UBAP2: variants seen among roughly 807,000 people sequenced by gnomAD.
UBAP2 encodes the protein ubiquitin-associated protein 2.
A neutral mutation model predicts 139.6 loss-of-function variants in UBAP2; 75 were observed. That is an observed-to-expected ratio of 0.54 (90% CI 0.45 to 0.65). UBAP2 has a LOEUF of 0.65. UBAP2 is among the 30% of genes least tolerant of loss of function. UBAP2 has a pLI of 0.00. For missense variants in UBAP2, 1,368 were observed against 1,369.6 expected (o/e 1.00, Z 0.02); for synonymous variants, 526 against 526.2 (o/e 1.00, Z 0.01).
chr9:33,956,780 T>A (rs1007517835), intron 10 of UBAP2, among the ~76,000 whole-genome samples: 1 of 152,064 alleles, frequency 6.6e-6, no homozygotes, highest in Admixed American at 6.6e-5. Flanking sequence ...AAAATGAGAA[T>A]ACCAATAAAC....
At chr9:33,933,272 C>T (rs1185661580) in intron 18 of UBAP2, among the ~76,000 whole-genome samples, 1 of 152,164 alleles carries the variant, frequency 6.6e-6, no homozygotes, top group African/African-American at 2.4e-5. Flanking sequence ...GGACCCAGTG[C>T]TCTGTGCCAG....
intron 2 of UBAP2, among the ~76,000 whole-genome samples, chr9:34,015,725 G>A (rs910686849): frequency 6.6e-6 from 1 of 152,086 alleles, no homozygotes; most frequent in African/African-American, 2.4e-5. Flanking sequence ...TTGAGCCAAG[G>A]TCTCACTCTG....
chr9:33,957,743 C>G (rs1826687721), intron 10 of UBAP2, among the ~76,000 whole-genome samples: 2 of 152,018 alleles, frequency 1.3e-5, no homozygotes, highest in African/African-American at 4.8e-5. Flanking sequence ...TCAAAATGTT[C>G]CCATAATTCT....
At chr9:33,963,842 T>C in intron 8 of UBAP2, 51 bp from the exon 9 acceptor site, 33 of 1,028,368 alleles carry the variant, frequency 3.2e-5, no homozygotes, top group Non-Finnish European at 4.5e-5. Flanking sequence ...AGAATGAAAG[T>C]ATTCATCACA....
chr9:34,014,815 C>A (rs1196201597), intron 2 of UBAP2, among the ~76,000 whole-genome samples: 2 of 149,342 alleles, frequency 1.3e-5, no homozygotes, highest in Non-Finnish European at 3.0e-5. Context: ...CAAACTTTTT[C>A]CTAAGTAAAT....
chr9:34,046,236 C>G (rs953034961), intron 1 of UBAP2, among the ~76,000 whole-genome samples: 13 of 150,932 alleles, frequency 8.6e-5, no homozygotes, highest in Non-Finnish European at 1.5e-4. Context: ...ACTTAACCAC[C>G]CCCACCCCCC....
rs1827849989 is a variant in UBAP2 at position 33,970,673 on chromosome 9, C to G, written c.679+978G>C. ...CGTCTCAAACTCTGGCTCAAGTGAT[C>G]CTCCCGCCTTGGCCACCTAAATGCT... is the stretch of plus-strand genomic sequence containing the variant. On this transcript the variant is annotated intron_variant, in intron 8 of 28. Transcript: ENST00000379238. Among the ~76,000 whole-genome samples, 3 of 152,136 alleles carry G rather than the reference C, an allele frequency of 2.0e-5. No homozygotes were observed. The South Asian group carries it at 6.2e-4, about 32-fold the overall frequency.
chr9:34,016,356 A>AGCGGCGGCGGCG (rs1363310950), intron 2 of UBAP2, among the ~76,000 whole-genome samples: 5 of 20,004 alleles, frequency 2.5e-4, no homozygotes, highest in African/African-American at 1.2e-3. Flanking sequence ...AGGAGGCAGC[A>AGCGGCGGCGGCG]GCGGCGGCAG....
intron 6 of UBAP2, among the ~76,000 whole-genome samples, chr9:33,985,813 G>C (rs1331994044): frequency 6.6e-6 from 1 of 152,058 alleles, no homozygotes; most frequent in African/African-American, 2.4e-5. Context: ...CTTGAGGCCA[G>C]GAGTTTGAGA....
chr9:33,938,023 T>G (rs781568658), intron 16 of UBAP2, among the ~76,000 whole-genome samples: 1 of 152,032 alleles, frequency 6.6e-6, no homozygotes, highest in Non-Finnish European at 1.5e-5. Flanking sequence ...TTTGAGACAG[T>G]GTCTGGCTCT....
chr9:33,955,762 G>A (rs549709213), intron 11 of UBAP2, among the ~76,000 whole-genome samples: 20 of 152,078 alleles, frequency 1.3e-4, no homozygotes, highest in Non-Finnish European at 2.8e-4. Flanking sequence ...GAGAGGCGGA[G>A]GTTGCAGTGA....
chr9:33,988,431 T>C (rs1821396152), intron 5 of UBAP2, among the ~76,000 whole-genome samples: 1 of 152,216 alleles, frequency 6.6e-6, no homozygotes, highest in Non-Finnish European at 1.5e-5. Context: ...TGACAAAACC[T>C]AGAAAACCTA....
chr9:33,930,227 G>A (rs950462875), intron 19 of UBAP2, among the ~76,000 whole-genome samples: 1 of 152,118 alleles, frequency 6.6e-6, no homozygotes, highest in African/African-American at 2.4e-5. Flanking sequence ...CCAGTGGGAG[G>A]TAAACAGGGT....
intron 11 of UBAP2, among the ~76,000 whole-genome samples, chr9:33,955,247 G>A (rs761115371): frequency 1.3e-5 from 2 of 151,814 alleles, no homozygotes. Context: ...TAGGCCAGGC[G>A]CGGTGGCTCA....
intron 1 of UBAP2, among the ~76,000 whole-genome samples, chr9:34,034,715 A>G (rs1176205497): frequency 1.3e-5 from 2 of 152,116 alleles, no homozygotes; most frequent in Non-Finnish European, 2.9e-5. Flanking sequence ...TCTACTAAAA[A>G]TACAAAAATT....
intron 6 of UBAP2, among the ~76,000 whole-genome samples, chr9:33,986,014 C>A (rs1423002431): frequency 4.0e-5 from 6 of 151,810 alleles, no homozygotes; most frequent in Non-Finnish European, 2.9e-5. Context: ...AAGTAAGACC[C>A]TGCATTTAAT....
intron 2 of UBAP2, 74 bp from the exon 3 acceptor site, chr9:33,998,938 A>G (rs1822439702): frequency 8.1e-7 from 1 of 1,241,392 alleles, no homozygotes; most frequent in Non-Finnish European, 1.2e-6. Flanking sequence ...TGGGTCAAAC[A>G]GATAAGGCTC....
intron 9 of UBAP2, 93 bp downstream of exon 9, chr9:33,963,633 T>G: frequency 1.3e-6 from 1 of 750,194 alleles, no homozygotes; most frequent in South Asian, 1.8e-5. Context: ...ATCTGATAAA[T>G]TTTTATTAGC....
chr9:34,047,680 C>A (rs1827728316), intron 1 of UBAP2, among the ~76,000 whole-genome samples: 1 of 152,134 alleles, frequency 6.6e-6, no homozygotes, highest in African/African-American at 2.4e-5. Context: ...CTTATGGAGA[C>A]CTGAAAAAAC....
Sources: gnomAD v4.1 joint callset for allele counts (sites outside exome capture counted in the v4.1 genomes callset) on GRCh38, gnomAD v4.1.1 for gene constraint, MANE v1.5 for transcripts, NCBI Gene and HGNC (gene_info 2026-07-23, HGNC 2026-07-21) for gene names.